NEDD4L: variants seen among roughly 807,000 people sequenced by gnomAD.
The protein encoded by NEDD4L is E3 ubiquitin-protein ligase NEDD4-like.
Under a neutral mutation model 148.9 loss-of-function variants are expected in NEDD4L, and 54 were observed. The ratio of observed to expected loss-of-function variants is 0.36; its 90% confidence interval spans 0.29 to 0.45. The LOEUF is 0.45. NEDD4L is among the 20% of genes least tolerant of loss of function. The probability of loss-of-function intolerance (pLI) is 1.00; values close to 1 mark genes in which losing one functional copy is unlikely to be tolerated. For synonymous variants in NEDD4L, 433 were observed against 440.7 expected (o/e 0.98, Z 0.22); for missense variants, 856 against 1,233.8 (o/e 0.69, Z 4.59).
chr18:58,114,757 G>A (rs2085672519), intron 1 of NEDD4L, among the ~76,000 whole-genome samples: 1 of 152,226 alleles, frequency 6.6e-6, no homozygotes, highest in Non-Finnish European at 1.5e-5. Flanking sequence ...CTCTAGGAGA[G>A]GATCCCCTTG....
At chr18:58,173,280 A>AG (rs2037722846) in intron 2 of NEDD4L, among the ~76,000 whole-genome samples, 1 of 152,210 alleles carries the variant, frequency 6.6e-6, no homozygotes, top group African/African-American at 2.4e-5. Context: ...GAGACTATAA[A>AG]GCTGCTTTCT....
intron 1 of NEDD4L, among the ~76,000 whole-genome samples, chr18:58,085,509 G>A (rs948305958): frequency 1.3e-5 from 2 of 152,126 alleles, no homozygotes; most frequent in Non-Finnish European, 2.9e-5. Context: ...ATAATGAGGC[G>A]ATCCCAAGGG....
intron 2 of NEDD4L, among the ~76,000 whole-genome samples, chr18:58,239,150 C>T (rs949988651): frequency 1.3e-5 from 2 of 152,090 alleles, no homozygotes; most frequent in African/African-American, 2.4e-5. Flanking sequence ...GTCAGGTAGT[C>T]GAAAGAAATT....
At chr18:58,389,325 G>T in intron 28 of NEDD4L, 133 bp downstream of exon 28, 1 of 638,188 alleles carries the variant, frequency 1.6e-6, no homozygotes. Context: ...GGACTGCTGG[G>T]GGAGGGAAGA....
At chr18:58,367,591 T>C (rs1418854676) in intron 21 of NEDD4L, among the ~76,000 whole-genome samples, 155 bp from the exon 22 acceptor site, 2 of 152,212 alleles carry the variant, frequency 1.3e-5, no homozygotes, top group East Asian at 3.8e-4. Flanking sequence ...CGGTTGAGCA[T>C]GTGGTAAGTC....
At chr18:58,369,413 T>C (rs1190376437) in intron 22 of NEDD4L, among the ~76,000 whole-genome samples, 2 of 151,992 alleles carry the variant, frequency 1.3e-5, no homozygotes, top group Non-Finnish European at 2.9e-5. Context: ...CAGCAGTGTC[T>C]TCAAATTTCC....
Position 58,256,628 on chromosome 18 carries a change from C to G in NEDD4L, c.297+4574C>G. The G allele has an allele frequency of 1.6e-6, 2 of 1,232,182 alleles. No individual in the cohort carries two copies. Among genetic ancestry groups the G allele is most frequent in the Non-Finnish European group, 2.0e-6 (2 of 988,014 alleles). The allele number at this position is 1,232,182 out of a possible 1,614,324, so 76.3% of individuals were successfully genotyped here. ...CTCCGCGGAGAGGACTCCGCAGGGCCAGGGGTGCACATTTAAGATCAGGCA... is the reference window on the plus strand; with the variant it reads ...CTCCGCGGAGAGGACTCCGCAGGGCGAGGGGTGCACATTTAAGATCAGGCA... On this transcript the variant is annotated intron_variant, in intron 5 of 30. Coordinates refer to ENST00000400345, the MANE Select transcript of NEDD4L (RefSeq NM_001144967.3). The surrounding 1 kb of genome is among the most constrained non-coding windows in gnomAD (Gnocchi z 5.2).
At chr18:58,057,168 A>T (rs890531722) in intron 1 of NEDD4L, among the ~76,000 whole-genome samples, 2 of 151,822 alleles carry the variant, frequency 1.3e-5, no homozygotes, top group African/African-American at 4.8e-5. Flanking sequence ...TGAAATGCAC[A>T]TGCTCCCTTT....
At chr18:58,392,324 C>T (rs1602065314) in intron 30 of NEDD4L, among the ~76,000 whole-genome samples, 2 of 152,332 alleles carry the variant, frequency 1.3e-5, no homozygotes, top group African/African-American at 2.4e-5. Context: ...CGGTGAGCAG[C>T]GTAGCCCTGT....
chr18:58,225,279 T>C (rs1421064268), intron 2 of NEDD4L, among the ~76,000 whole-genome samples: 1 of 152,098 alleles, frequency 6.6e-6, no homozygotes, highest in African/African-American at 2.4e-5. Flanking sequence ...GACACAGAAC[T>C]GAAAGCTTTG....
intron 24 of NEDD4L, among the ~76,000 whole-genome samples, chr18:58,380,081 T>A (rs1601908346): frequency 7.1e-6 from 1 of 141,438 alleles, no homozygotes; most frequent in African/African-American, 2.7e-5. Context: ...AATTATTTAT[T>A]TATCTAATTA....
At chr18:58,239,227 GAC>G (rs888549051) in intron 2 of NEDD4L, among the ~76,000 whole-genome samples, 7 of 152,222 alleles carry the variant, frequency 4.6e-5, no homozygotes, top group Admixed American at 2.0e-4. Flanking sequence ...AGGGAGCAAA[GAC>G]ACAATCTTTT....
intron 1 of NEDD4L, among the ~76,000 whole-genome samples, chr18:58,149,996 A>G (rs1370161403): frequency 1.3e-5 from 2 of 152,232 alleles, no homozygotes; most frequent in African/African-American, 4.8e-5. Flanking sequence ...TTTCTCTGAT[A>G]TTGAATACTG....
chr18:58,168,826 A>G (rs191244109), intron 2 of NEDD4L, among the ~76,000 whole-genome samples: 7 of 152,326 alleles, frequency 4.6e-5, no homozygotes, highest in African/African-American at 1.4e-4. Flanking sequence ...TGTTTTTAAA[A>G]TCAGGGATTT....
chr18:58,305,583 G>T (rs1044800344), intron 5 of NEDD4L, among the ~76,000 whole-genome samples: 1 of 152,314 alleles, frequency 6.6e-6, no homozygotes, highest in East Asian at 1.9e-4. Flanking sequence ...TTCTCAGTGT[G>T]TCTTCAGTGG....
intron 16 of NEDD4L, among the ~76,000 whole-genome samples, chr18:58,345,393 G>A (rs991856143): frequency 1.3e-5 from 2 of 152,194 alleles, no homozygotes; most frequent in African/African-American, 4.8e-5. Context: ...GTTTTGAGTT[G>A]GTTTTAGGGT....
intron 2 of NEDD4L, among the ~76,000 whole-genome samples, chr18:58,220,701 T>C (rs978759502): frequency 6.6e-6 from 1 of 152,186 alleles, no homozygotes; most frequent in Non-Finnish European, 1.5e-5. Context: ...CTGGGGACAC[T>C]TCCTATTAGA....
At chr18:58,185,827 C>T (rs1272552413) in intron 2 of NEDD4L, among the ~76,000 whole-genome samples, 3 of 151,716 alleles carry the variant, frequency 2.0e-5, no homozygotes, top group Non-Finnish European at 2.9e-5. Flanking sequence ...GAGCCAAGAT[C>T]GCGCCATTGC....
intron 1 of NEDD4L, among the ~76,000 whole-genome samples, chr18:58,125,349 C>A (rs571994614): frequency 1.3e-4 from 18 of 138,282 alleles, no homozygotes; most frequent in African/African-American, 5.1e-4. Context: ...CTCTTCCCCC[C>A]ACCAGGAGGG....
Sources: gnomAD v4.1 joint callset for allele counts (sites outside exome capture counted in the v4.1 genomes callset) on GRCh38, gnomAD v4.1.1 for gene constraint, Gnocchi (gnomAD v3.1) non-coding constraint, MANE v1.5 for transcripts, NCBI Gene and HGNC (gene_info 2026-07-23, HGNC 2026-07-21) for gene names.